TTC28: variants seen among roughly 807,000 people sequenced by gnomAD.
TTC28 encodes the protein tetratricopeptide repeat domain 28, also known as tetratricopeptide repeat protein 28.
In TTC28, 61 loss-of-function variants were observed where a neutral mutation model predicts 198.0. The ratio of observed to expected loss-of-function variants is 0.31; its 90% CI spans 0.25 to 0.38. The LOEUF (loss-of-function observed/expected upper bound fraction) is 0.38, where lower values mean the gene tolerates loss of function less well. Among genes scored for constraint, TTC28 ranks in the 10% least tolerant of loss-of-function variants. The pLI is 1.00. For missense variants in TTC28, 2,678 were observed against 3,164.0 expected (o/e 0.85, Z 3.69); for synonymous variants, 1,171 against 1,297.8 (o/e 0.90, Z 2.10).
intron 12 of TTC28, among the ~76,000 whole-genome samples, chr22:28,093,123 C>T (rs1035299189): frequency 6.6e-6 from 1 of 152,072 alleles, no homozygotes; most frequent in Non-Finnish European, 1.5e-5. Flanking sequence ...CTACTACAGC[C>T]CCTTCCAATA....
intron 6 of TTC28, among the ~76,000 whole-genome samples, chr22:28,157,311 G>A (rs893642177): frequency 1.3e-5 from 2 of 152,144 alleles, no homozygotes; most frequent in Non-Finnish European, 2.9e-5. Context: ...CTGTAATAAA[G>A]TTTCCCAGTA....
chr22:28,542,675 T>C (rs1014610483), intron 2 of TTC28, among the ~76,000 whole-genome samples: 4 of 152,140 alleles, frequency 2.6e-5, no homozygotes, highest in African/African-American at 9.6e-5. Flanking sequence ...AAACACACTT[T>C]AGTAATCTAA....
At chr22:28,274,157 T>C (rs1008908372) in intron 5 of TTC28, among the ~76,000 whole-genome samples, 2 of 152,210 alleles carry the variant, frequency 1.3e-5, no homozygotes, top group Non-Finnish European at 2.9e-5. Context: ...GTGATTAATA[T>C]TGGAAGGAGG....
At chr22:28,482,278 C>T (rs1329174492) in intron 2 of TTC28, among the ~76,000 whole-genome samples, 1 of 133,128 alleles carries the variant, frequency 7.5e-6, no homozygotes, top group African/African-American at 2.9e-5. Context: ...GTGGCGCGAT[C>T]TCGGCTCACT....
intron 5 of TTC28, among the ~76,000 whole-genome samples, chr22:28,277,852 G>T (rs1478830298): frequency 6.6e-6 from 1 of 152,066 alleles, no homozygotes; most frequent in Non-Finnish European, 1.5e-5. Context: ...TAAAAATCAA[G>T]AAAGTGCAAG....
chr22:28,177,499 T>C (rs1446640213), intron 5 of TTC28, among the ~76,000 whole-genome samples: 1 of 152,228 alleles, frequency 6.6e-6, no homozygotes, highest in African/African-American at 2.4e-5. Context: ...GCAACTGTGC[T>C]CCCATGTATT....
chr22:28,175,311 A>G (rs964007708), intron 5 of TTC28, among the ~76,000 whole-genome samples: 1 of 152,268 alleles, frequency 6.6e-6, no homozygotes, highest in Admixed American at 6.5e-5. Context: ...AACTCTTAAG[A>G]GAGTAAAGAG....
intron 12 of TTC28, among the ~76,000 whole-genome samples, chr22:28,037,294 C>A (rs1259464963): frequency 2.6e-5 from 4 of 152,134 alleles, no homozygotes; most frequent in Admixed American, 1.3e-4. Context: ...CCGAATCCAG[C>A]AACACATCAA....
chr22:28,142,617 G>A (rs2146992278), intron 6 of TTC28, among the ~76,000 whole-genome samples: 1 of 152,214 alleles, frequency 6.6e-6, no homozygotes, highest in South Asian at 2.1e-4. Context: ...AAATTATGCA[G>A]AGCCTCAGCA....
intron 5 of TTC28, among the ~76,000 whole-genome samples, chr22:28,241,725 A>G (rs981837053): frequency 2.0e-5 from 3 of 152,250 alleles, no homozygotes; most frequent in Admixed American, 2.0e-4. Context: ...TAAGTTCGGA[A>G]TTATATAAAA....
rs532729531 is a variant in TTC28, at chr22:28,244,365, T to C, written c.933+51833A>G. Among the ~76,000 whole-genome samples the C allele has an allele frequency of 2.6e-5, 4 of 152,336 alleles. No individual in the cohort carries two copies. In the South Asian group the frequency reaches 8.3e-4, roughly 32 times the overall value. On this transcript the variant is annotated intron_variant, in intron 5 of 22. Transcript: ENST00000397906. ...AGAGAAACCTCCTTCAACCACTACA[T>C]TTACAGCTACCCTTCGTCTCCTTTC...
chr22:28,524,070 A>G (rs1442889281), intron 2 of TTC28, among the ~76,000 whole-genome samples: 3 of 152,188 alleles, frequency 2.0e-5, no homozygotes, highest in Non-Finnish European at 4.4e-5. Context: ...GCAAATTCTG[A>G]GTAACTCACG....
intron 6 of TTC28, among the ~76,000 whole-genome samples, chr22:28,148,105 G>C (rs6005724): frequency 0.04 from 6,042 of 152,152 alleles, 146 homozygotes; most frequent in East Asian, 0.058. Context: ...GATCCAAAAA[G>C]GTTAATATAT....
At chr22:28,612,343 A>T (rs1048729482) in intron 2 of TTC28, among the ~76,000 whole-genome samples, 4 of 152,226 alleles carry the variant, frequency 2.6e-5, no homozygotes, top group African/African-American at 9.6e-5. Flanking sequence ...TTAGAGACCT[A>T]CAAAGAGACT....
At chr22:28,552,951 T>G (rs990968078) in intron 2 of TTC28, among the ~76,000 whole-genome samples, 3 of 152,200 alleles carry the variant, frequency 2.0e-5, no homozygotes, top group Non-Finnish European at 4.4e-5. Flanking sequence ...CATGCCTGAC[T>G]GGTTTTCGTA....
intron 14 of TTC28, among the ~76,000 whole-genome samples, chr22:28,013,284 C>G: frequency 6.6e-6 from 1 of 152,226 alleles, no homozygotes; most frequent in East Asian, 1.9e-4. Context: ...TGCAGCCTGG[C>G]TAACAGCAGC....
chr22:28,381,607 T>TAACTGCA (rs1359263235), intron 2 of TTC28, among the ~76,000 whole-genome samples: 1 of 152,142 alleles, frequency 6.6e-6, no homozygotes, highest in Non-Finnish European at 1.5e-5. Flanking sequence ...TGCTCGCAAG[T>TAACTGCA]AACTGCAAAC....
chr22:28,319,262 C>G (rs1034920524), intron 2 of TTC28, among the ~76,000 whole-genome samples: 1 of 152,152 alleles, frequency 6.6e-6, no homozygotes, highest in Non-Finnish European at 1.5e-5. Context: ...GAAGCATGTT[C>G]TTTTCTGGAG....
intron 2 of TTC28, among the ~76,000 whole-genome samples, chr22:28,413,390 A>C (rs2047116285): frequency 6.6e-6 from 1 of 152,142 alleles, no homozygotes; most frequent in Non-Finnish European, 1.5e-5. Flanking sequence ...GTGAGCCTAG[A>C]TTGCGCGACT....
Sources: gnomAD v4.1 joint callset for allele counts (sites outside exome capture counted in the v4.1 genomes callset) on GRCh38, gnomAD v4.1.1 for gene constraint, MANE v1.5 for transcripts, NCBI Gene and HGNC (gene_info 2026-07-23, HGNC 2026-07-21) for gene names.